ST3GAL3: variants seen among roughly 807,000 people sequenced by gnomAD.
The protein encoded by ST3GAL3 is ST3 beta-galactoside alpha-2,3-sialyltransferase 3, also known as CMP-N-acetylneuraminate-beta-1,4-galactoside alpha-2,3-sialyltransferase.
Under a neutral mutation model 50.1 loss-of-function variants are expected in ST3GAL3, and 21 were observed. That is an observed-to-expected ratio of 0.42 (90% confidence interval 0.30 to 0.60). The LOEUF (loss-of-function observed/expected upper bound fraction) is 0.60. Among genes scored for constraint, ST3GAL3 ranks in the 20% least tolerant of loss-of-function variants. ST3GAL3 has a pLI of 0.19. For synonymous variants in ST3GAL3, 183 were observed against 190.0 expected, an observed-to-expected ratio of 0.96 and a Z score of 0.30; for missense variants, 353 against 489.4, an observed-to-expected ratio of 0.72 and a Z score of 2.63.
intron 2 of ST3GAL3, among the ~76,000 whole-genome samples, chr1:43,770,855 T>A (rs1007256844): frequency 6.6e-6 from 1 of 152,250 alleles, no homozygotes; most frequent in Non-Finnish European, 1.5e-5. Flanking sequence ...TTATGTCTGG[T>A]GAAGTTCAAT....
intron 2 of ST3GAL3, among the ~76,000 whole-genome samples, chr1:43,764,903 A>T (rs1410971425): frequency 1.3e-5 from 2 of 152,262 alleles, no homozygotes; most frequent in Non-Finnish European, 2.9e-5. Flanking sequence ...AGCTTCCACC[A>T]TAGTGCCCAA....
intron 2 of ST3GAL3, among the ~76,000 whole-genome samples, chr1:43,756,134 A>G (rs1177822065): frequency 6.6e-6 from 1 of 150,666 alleles, no homozygotes; most frequent in African/African-American, 2.5e-5. Flanking sequence ...AGAAGAAAAG[A>G]AAAGGAAAGG....
chr1:43,864,306 A>C (rs867790987), intron 5 of ST3GAL3, among the ~76,000 whole-genome samples: 8 of 152,252 alleles, frequency 5.3e-5, no homozygotes, highest in South Asian at 2.1e-4. Context: ...AAAGAAACTG[A>C]GTGGGCAGTG....
intron 1 of ST3GAL3, among the ~76,000 whole-genome samples, chr1:43,709,220 A>G (rs1663268757): frequency 6.6e-6 from 1 of 152,226 alleles, no homozygotes; most frequent in African/African-American, 2.4e-5. Context: ...TTCTTAGCAG[A>G]AAAAGCAGGA....
intron 9 of ST3GAL3, among the ~76,000 whole-genome samples, chr1:43,901,795 AG>A (rs2078320867): frequency 1.3e-5 from 2 of 152,046 alleles, no homozygotes; most frequent in African/African-American, 4.8e-5. Flanking sequence ...ACTCCTACCC[AG>A]GGTGGGTGGG....
chr1:43,895,576 C>G (rs1280888978), intron 6 of ST3GAL3, among the ~76,000 whole-genome samples: 3 of 152,102 alleles, frequency 2.0e-5, no homozygotes, highest in African/African-American at 4.8e-5. Flanking sequence ...GTCAGAATTA[C>G]ATAAAATAAC....
intron 9 of ST3GAL3, among the ~76,000 whole-genome samples, chr1:43,911,666 T>TATCTGTAG (rs2080935447): frequency 6.8e-6 from 1 of 146,978 alleles, no homozygotes; most frequent in African/African-American, 2.7e-5. Context: ...GCTATAGATA[T>TATCTGTAG]CTATAGATAT....
At chr1:43,837,728 T>C (rs987597459) in intron 4 of ST3GAL3, among the ~76,000 whole-genome samples, 1 of 152,202 alleles carries the variant, frequency 6.6e-6, no homozygotes, top group African/African-American at 2.4e-5. Flanking sequence ...CCCAACACTT[T>C]GGGAGGCCAA....
intron 9 of ST3GAL3, among the ~76,000 whole-genome samples, chr1:43,915,312 G>T (rs920978978): frequency 5.9e-5 from 9 of 152,228 alleles, no homozygotes; most frequent in South Asian, 2.1e-4. Context: ...GGGCTACAGA[G>T]GTGAATCAGA....
chr1:43,847,909 C>T (rs2066522035), intron 5 of ST3GAL3, among the ~76,000 whole-genome samples: 1 of 152,144 alleles, frequency 6.6e-6, no homozygotes, highest in East Asian at 1.9e-4. Context: ...TACGTATTTC[C>T]ATATGGTATC....
chr1:43,863,998 G>A (rs562458441), intron 5 of ST3GAL3, among the ~76,000 whole-genome samples: 4 of 152,272 alleles, frequency 2.6e-5, no homozygotes, highest in Admixed American at 1.3e-4. Flanking sequence ...TTGAGTGGGG[G>A]CCGGGCGTGG....
At chr1:43,757,007 G>A (rs992309618) in intron 2 of ST3GAL3, among the ~76,000 whole-genome samples, 1 of 152,106 alleles carries the variant, frequency 6.6e-6, no homozygotes, top group Non-Finnish European at 1.5e-5. Context: ...CGGTTCAAGT[G>A]ATTCTCCTGG....
chr1:43,862,058 A>G (rs1167047979), intron 5 of ST3GAL3, among the ~76,000 whole-genome samples: 1 of 151,430 alleles, frequency 6.6e-6, no homozygotes, highest in Non-Finnish European at 1.5e-5. Context: ...AGAGACAACT[A>G]CTGCTTTTAC....
intron 5 of ST3GAL3, among the ~76,000 whole-genome samples, chr1:43,885,253 CAG>C (rs944263364): frequency 1.3e-5 from 2 of 152,032 alleles, no homozygotes; most frequent in South Asian, 2.1e-4. Context: ...GTGAGAGACA[CAG>C]GGGTCAGATC....
At chr1:43,765,473 A>C (rs1692209155) in intron 2 of ST3GAL3, among the ~76,000 whole-genome samples, 1 of 152,132 alleles carries the variant, frequency 6.6e-6, no homozygotes, top group Admixed American at 6.5e-5. Context: ...TGTTGCTCAT[A>C]CCTGTGTGGT....
intron 11 of ST3GAL3, among the ~76,000 whole-genome samples, chr1:43,928,795 G>A (rs894207357): frequency 6.6e-6 from 1 of 151,984 alleles, no homozygotes; most frequent in Non-Finnish European, 1.5e-5. Flanking sequence ...TGTAGTCCCA[G>A]CTACTCAGGT....
intron 5 of ST3GAL3, among the ~76,000 whole-genome samples, chr1:43,887,221 A>G (rs142038237): frequency 6.6e-6 from 1 of 152,314 alleles, no homozygotes; most frequent in Non-Finnish European, 1.5e-5. Flanking sequence ...ACTTTAGTGT[A>G]TATGTGTGTG....
In ST3GAL3 at chr1:43,899,491, G is replaced by T. The variant is rs368131494; in HGVS notation, c.558-50G>T. The T allele has an allele frequency of 6.2e-6, 10 of 1,606,428 alleles. No individual in the cohort carries two copies. The African/African-American group carries it at 1.3e-4, about 21-fold the overall frequency. On this transcript the variant is annotated intron_variant, in intron 8 of 11. Transcript: ENST00000347631. This position sits in a 1 kb window ranked among gnomAD's most constrained non-coding sequence, Gnocchi z 5.4. ...ATGCCTGGGATAGTCTGGGGTCATG[G>T]TGCCTTCCCAAACACAGGCCCAGGC...
At chr1:43,810,887 G>A (rs889877886) in intron 3 of ST3GAL3, among the ~76,000 whole-genome samples, 1 of 151,820 alleles carries the variant, frequency 6.6e-6, no homozygotes, top group South Asian at 2.1e-4. Flanking sequence ...GAGGCCCGAT[G>A]GCCTCCCTCT....
Sources: allele counts gnomAD v4.1 joint callset (sites outside exome capture counted in the v4.1 genomes callset), GRCh38; gene constraint gnomAD v4.1.1; non-coding constraint Gnocchi (gnomAD v3.1); transcripts MANE v1.5; gene names NCBI Gene and HGNC (gene_info 2026-07-23, HGNC 2026-07-21).